COL24A1: variants seen among roughly 807,000 people sequenced by gnomAD.
COL24A1 encodes collagen type XXIV alpha 1 chain, also known as collagen alpha-1(XXIV) chain.
Under a neutral mutation model 253.9 loss-of-function variants are expected in COL24A1, and 224 were observed. That is an observed-to-expected ratio of 0.88 (90% CI 0.79 to 0.99). COL24A1 has a LOEUF of 0.99. Among genes scored for constraint, COL24A1 ranks in the 50% least tolerant of loss-of-function variants. The pLI, the probability that COL24A1 is intolerant of heterozygous loss-of-function variation, is 0.00. For missense variants in COL24A1, 2,131 were observed against 2,068.5 expected, an observed-to-expected ratio of 1.03 and a Z score of -0.59; for synonymous variants, 685 against 673.7, an observed-to-expected ratio of 1.02 and a Z score of -0.26.
chr1:86,114,855 G>A (rs1705976850), intron 4 of COL24A1, among the ~76,000 whole-genome samples: 1 of 152,130 alleles, frequency 6.6e-6, no homozygotes. Flanking sequence ...CTTTTGTTGG[G>A]CCTGTGTAAC....
In COL24A1 at chr1:85,818,305, TTA is replaced by T. The variant is rs1673255020; in HGVS notation, c.3790-220_3790-219del. 2.6e-5 allele frequency among the ~76,000 whole-genome samples: 4 copies of T among 152,320 alleles called. No homozygotes were observed. The South Asian group carries it at 8.3e-4, about 32-fold the overall frequency. On this transcript the variant is annotated intron_variant, in intron 45 of 59. Transcript: ENST00000370571. The stretch of plus-strand genomic sequence containing the variant: ...CTAGTAATTTCCTTGTAGCTCTCAA[TTA>T]TATGATTTAAGAATTTAAACTGTAC...
intron 19 of COL24A1, among the ~76,000 whole-genome samples, chr1:86,011,626 T>A (rs1230190410): frequency 6.6e-6 from 1 of 152,188 alleles, no homozygotes; most frequent in Non-Finnish European, 1.5e-5. Flanking sequence ...ATGGAAAAAA[T>A]CCATAGCAAA....
At chr1:85,812,224 A>C (rs746939336) in intron 47 of COL24A1, among the ~76,000 whole-genome samples, 3 of 152,236 alleles carry the variant, frequency 2.0e-5, no homozygotes, top group South Asian at 2.1e-4. Flanking sequence ...ACTGGGCCCT[A>C]GCACGTCTGG....
chr1:86,099,634 G>A (rs984651990), intron 5 of COL24A1, among the ~76,000 whole-genome samples: 12 of 152,240 alleles, frequency 7.9e-5, no homozygotes, highest in Admixed American at 2.0e-4. Flanking sequence ...CACTATATAT[G>A]TAATCTACCA....
At chr1:85,850,433 C>T (rs763698108) in intron 37 of COL24A1, among the ~76,000 whole-genome samples, 1 of 152,078 alleles carries the variant, frequency 6.6e-6, no homozygotes, top group Non-Finnish European at 1.5e-5. Flanking sequence ...TGACTCATAC[C>T]CTATGCTCCT....
At chr1:85,807,050 G>A (rs1335091892) in intron 47 of COL24A1, among the ~76,000 whole-genome samples, 3 of 152,184 alleles carry the variant, frequency 2.0e-5, no homozygotes, top group African/African-American at 7.2e-5. Flanking sequence ...ACAGACATGG[G>A]CAAGACTAAG....
At chr1:85,932,583 C>G (rs1238794808) in intron 24 of COL24A1, among the ~76,000 whole-genome samples, 3 of 90,960 alleles carry the variant, frequency 3.3e-5, no homozygotes, top group Non-Finnish European at 6.2e-5. Context: ...CATCCCATTA[C>G]TGGGTATATA....
chr1:85,742,887 C>G (rs565791894), intron 57 of COL24A1, among the ~76,000 whole-genome samples: 1 of 152,194 alleles, frequency 6.6e-6, no homozygotes, highest in South Asian at 2.1e-4. Flanking sequence ...CTCCCACATG[C>G]TTAGTGTTCC....
chr1:85,768,753 C>T (rs1249144164), intron 53 of COL24A1, among the ~76,000 whole-genome samples: 2 of 152,060 alleles, frequency 1.3e-5, no homozygotes, highest in Non-Finnish European at 2.9e-5. Flanking sequence ...TATTACCTTG[C>T]AAAATGATCT....
At chr1:85,755,434 G>C (rs1034338839) in intron 55 of COL24A1, among the ~76,000 whole-genome samples, 15 of 151,948 alleles carry the variant, frequency 9.9e-5, no homozygotes, top group Non-Finnish European at 5.9e-5. Flanking sequence ...AAATAATTTT[G>C]AAAAAAGAAG....
intron 37 of COL24A1, among the ~76,000 whole-genome samples, chr1:85,866,698 C>T (rs768373676): frequency 5.3e-4 from 81 of 152,070 alleles, no homozygotes; most frequent in Admixed American, 4.6e-4. Context: ...CTCTTGAACC[C>T]GGGAGGTGGA....
At chr1:85,909,109 AC>A (rs1411742049) in intron 26 of COL24A1, among the ~76,000 whole-genome samples, 1 of 151,774 alleles carries the variant, frequency 6.6e-6, no homozygotes, top group Non-Finnish European at 1.5e-5. Flanking sequence ...CTTTAGAAGG[AC>A]CACACACTTT....
chr1:85,925,432 G>C (rs974968805), intron 24 of COL24A1, among the ~76,000 whole-genome samples: 8 of 152,190 alleles, frequency 5.3e-5, no homozygotes, highest in African/African-American at 9.6e-5. Context: ...ATACTACAAG[G>C]CTACAGTAAC....
At chr1:86,094,869 AAAG>A (rs1703789555) in intron 5 of COL24A1, among the ~76,000 whole-genome samples, 1 of 152,082 alleles carries the variant, frequency 6.6e-6, no homozygotes, top group South Asian at 2.1e-4. Flanking sequence ...TTTGTAGATA[AAAG>A]AAGCAATAAA....
At chr1:86,022,132 G>T in intron 18 of COL24A1, 108 bp downstream of exon 18, 1 of 967,732 alleles carries the variant, frequency 1.0e-6, no homozygotes, top group Non-Finnish European at 1.7e-6. Flanking sequence ...AAACTAAGGA[G>T]ACAAATGCTC....
intron 37 of COL24A1, among the ~76,000 whole-genome samples, chr1:85,853,237 A>T (rs889230417): frequency 6.6e-6 from 1 of 152,138 alleles, no homozygotes; most frequent in African/African-American, 2.4e-5. Context: ...TTCTGTTCCC[A>T]CATTAATTTG....
rs1353635211 is a variant in COL24A1, at chr1:85,957,150, T to TGGACACCACGAGGGGAACATC, written c.2562+4078_2562+4098dup. Among the ~76,000 whole-genome samples, 13 of 152,124 alleles carry TGGACACCACGAGGGGAACATC rather than the reference T, an allele frequency of 8.5e-5. No homozygotes were observed. The East Asian group carries it at 2.5e-3, about 29-fold the overall frequency. Reference sequence around the variant, plus strand: ...GTGGGAGTTGAACAATGAGAACACATGGACACCACGAGGGGAACATCACAC... The same window carrying TGGACACCACGAGGGGAACATC: ...GTGGGAGTTGAACAATGAGAACACATGGACACCACGAGGGGAACATCGGACACCACGAGGGGAACATCACAC... On this transcript the variant is annotated intron_variant, in intron 24 of 59. Coordinates refer to ENST00000370571, the MANE Select transcript of COL24A1 (RefSeq NM_152890.7).
At chr1:85,925,612 C>T (rs1290931203) in intron 24 of COL24A1, among the ~76,000 whole-genome samples, 1 of 152,136 alleles carries the variant, frequency 6.6e-6, no homozygotes, top group African/African-American at 2.4e-5. Context: ...GGAAAACTGG[C>T]TAGCCATATG....
intron 31 of COL24A1, among the ~76,000 whole-genome samples, chr1:85,890,992 G>A (rs1335020972): frequency 6.6e-6 from 1 of 151,960 alleles, no homozygotes; most frequent in Non-Finnish European, 1.5e-5. Flanking sequence ...TACTGTGTGC[G>A]AGGCACTGAT....
Sources: gnomAD v4.1 joint callset for allele counts (sites outside exome capture counted in the v4.1 genomes callset) on GRCh38, gnomAD v4.1.1 for gene constraint, MANE v1.5 for transcripts, NCBI Gene and HGNC (gene_info 2026-07-23, HGNC 2026-07-21) for gene names.